RNF182: variants seen among roughly 807,000 people sequenced by gnomAD.
RNF182 encodes E3 ubiquitin-protein ligase RNF182.
In RNF182, 15 loss-of-function variants were observed where a neutral mutation model predicts 14.4. That is an observed-to-expected ratio of 1.04 (90% CI 0.70 to 1.60). RNF182 has a LOEUF of 1.60. Among genes scored for constraint, RNF182 ranks in the 40% most tolerant of loss-of-function variants. RNF182 has a pLI of 0.00. For synonymous variants in RNF182, 128 were observed against 122.9 expected (o/e 1.04, Z -0.27); for missense variants, 268 against 294.8 (o/e 0.91, Z 0.67).
chr6:13,945,367 C>CAA (rs1264941022), intron 1 of RNF182, among the ~76,000 whole-genome samples: 1 of 152,162 alleles, frequency 6.6e-6, no homozygotes, highest in East Asian at 1.9e-4. Context: ...GTTGCCAGGG[C>CAA]ATTCTTTTAG....
At chr6:13,934,040 A>G (rs1455576208) in intron 1 of RNF182, among the ~76,000 whole-genome samples, 1 of 152,184 alleles carries the variant, frequency 6.6e-6, no homozygotes, top group African/African-American at 2.4e-5. Flanking sequence ...AAAAATTAAA[A>G]AAAAGAAATG....
chr6:13,966,832 G>A lies in RNF182; in HGVS notation c.-366-7378G>A, dbSNP rs548309286. On this transcript the variant is annotated intron_variant, in intron 1 of 2. Coordinates refer to ENST00000488300, the MANE Select transcript of RNF182 (RefSeq NM_152737.4). ...TGCTGTTTTGTGTGTGTGCGCGTGC[G>A]TGTGTGTGTGTGTGTGTGTGTTTTC... Among the ~76,000 whole-genome samples, 59 of 133,380 alleles carry A rather than the reference G, an allele frequency of 4.4e-4. 1 individual carries two copies. The South Asian group carries it at 0.01, about 23-fold the overall frequency. The allele number at this position is 133,380 out of a possible 152,430, so 87.5% of individuals were successfully genotyped here. A position where few individuals can be genotyped will look rare whatever the true frequency, so the allele number is the denominator to read the frequency against.
chr6:13,944,265 A>G (rs1759379568), intron 1 of RNF182, among the ~76,000 whole-genome samples: 1 of 152,228 alleles, frequency 6.6e-6, no homozygotes, highest in African/African-American at 2.4e-5. Flanking sequence ...GGTGTTGGCT[A>G]GAACCAACAG....
intron 2 of RNF182, among the ~76,000 whole-genome samples, 171 bp from the exon 3 acceptor site, chr6:13,976,738 A>T (rs280160): frequency 0.4 from 61,315 of 152,158 alleles, 13,638 homozygotes; most frequent in Middle Eastern, 0.51. Flanking sequence ...AAGCATGGAA[A>T]TAACACTTTT....
chr6:13,969,328 G>A (rs989648436), intron 1 of RNF182, among the ~76,000 whole-genome samples: 1 of 152,064 alleles, frequency 6.6e-6, no homozygotes, highest in Non-Finnish European at 1.5e-5. Flanking sequence ...TGAGAAGTCC[G>A]GTTTGGGTCA....
rs1225782255 is a variant in RNF182 at position 13,979,971 on chromosome 6, TTTTG to T, written c.*2114_*2117del. On this transcript the variant is annotated 3_prime_UTR_variant, in exon 3 of 3. Transcript: ENST00000488300. Reference sequence around the variant, plus strand: ...TAATATTTTATTCACTGTGATACTATTTTGTTTGTCTATTAAATTGTTATTATTT... The same window carrying T: ...TAATATTTTATTCACTGTGATACTATTTTGTCTATTAAATTGTTATTATTT... 3.0e-5 allele frequency: 5 copies of T among 166,610 alleles called. No homozygotes were observed. Among genetic ancestry groups the T allele is most frequent in the Admixed American group, 6.5e-5 (1 of 15,300 alleles). 10.3% of individuals were successfully genotyped at this position (166,610 alleles called of 1,614,324 possible). A position where few individuals can be genotyped will look rare whatever the true frequency, so the allele number is the denominator to read the frequency against.
chr6:13,977,628 T>G lies in RNF182; in HGVS notation c.509T>G (p.Val170Gly). ...SVTTVSHNWT[V>G]WNCTSLLFQT... is the part of the protein sequence containing the mutation. ...ACCACTGTGTCACACAACTGGACTG[T>G]GTGGAACTGCACGTCCCTGCTGTTT... The change falls in exon 3 of 3, where the codon GTG becomes GGG. Residue 170 changes from valine to glycine, a missense_variant. Val to Gly is a moderately radical substitution (Grantham distance 109). Transcript: ENST00000488300. 1 of 1,614,196 alleles carries G rather than the reference T, an allele frequency of 6.2e-7. No individual in the cohort carries two copies. Among genetic ancestry groups the G allele is most frequent in the Non-Finnish European group, 8.5e-7 (1 of 1,180,026 alleles).
chr6:13,942,793 G>A (rs138274827), intron 1 of RNF182, among the ~76,000 whole-genome samples: 159 of 152,084 alleles, frequency 1.0e-3, no homozygotes, highest in Non-Finnish European at 1.6e-3. Context: ...ATTTTCCATT[G>A]TATTTTTTCC....
At chr6:13,951,401 C>G (rs1759588118) in intron 1 of RNF182, among the ~76,000 whole-genome samples, 1 of 152,164 alleles carries the variant, frequency 6.6e-6, no homozygotes, top group African/African-American at 2.4e-5. Flanking sequence ...AGAGAATTAG[C>G]CCATCCCCTA....
At chr6:13,975,417 C>A (rs568126627) in intron 2 of RNF182, among the ~76,000 whole-genome samples, 3 of 152,270 alleles carry the variant, frequency 2.0e-5, no homozygotes, top group Non-Finnish European at 2.9e-5. Context: ...AGGCTAGATA[C>A]ATAGAGCTTG....
At position 13,947,116 on chromosome 6, in the gene RNF182, C is replaced by T. The variant is rs371707812; in HGVS notation, c.-367+22093C>T. 1.3e-4 allele frequency among the ~76,000 whole-genome samples: 20 copies of T among 152,174 alleles called. No homozygotes were observed. In the South Asian group the frequency reaches 2.3e-3, roughly 17 times the overall value. On this transcript the variant is annotated intron_variant, in intron 1 of 2. Coordinates refer to ENST00000488300, the MANE Select transcript of RNF182 (RefSeq NM_152737.4). ...TGTGGGAACCAAGCTGATATGGGGTCGCTAGCTGATTTCATTATGTGTCCA... is the reference window on the plus strand; with the variant it reads ...TGTGGGAACCAAGCTGATATGGGGTTGCTAGCTGATTTCATTATGTGTCCA...
intron 1 of RNF182, among the ~76,000 whole-genome samples, chr6:13,933,999 CAG>C (rs938413638): frequency 2.6e-5 from 4 of 151,842 alleles, no homozygotes; most frequent in African/African-American, 9.7e-5. Flanking sequence ...GCCTGGGCAA[CAG>C]GGGAAGACTC....
chr6:13,942,007 T>A lies in RNF182; in HGVS notation c.-367+16984T>A, dbSNP rs1213200513. Among the ~76,000 whole-genome samples the A allele has an allele frequency of 2.0e-5, 3 of 152,216 alleles. No homozygotes were observed. In the East Asian group the frequency reaches 5.8e-4, roughly 29 times the overall value. Reference sequence around the variant, plus strand: ...CTGCTGGAAGAACTCCCTTTAGTATTTCTTTCTATTTTTACTTGTTTGAAA... The same window carrying A: ...CTGCTGGAAGAACTCCCTTTAGTATATCTTTCTATTTTTACTTGTTTGAAA... On this transcript the variant is annotated intron_variant, in intron 1 of 2. Coordinates refer to ENST00000488300, the MANE Select transcript of RNF182 (RefSeq NM_152737.4).
chr6:13,926,888 T>A (rs1214397225), intron 1 of RNF182, among the ~76,000 whole-genome samples: 3 of 152,138 alleles, frequency 2.0e-5, no homozygotes, highest in Non-Finnish European at 4.4e-5. Context: ...CCGTGCTTTC[T>A]GCCAGATGAA....
At chr6:13,960,699 G>GCA (rs1561784411) in intron 1 of RNF182, among the ~76,000 whole-genome samples, 2 of 151,410 alleles carry the variant, frequency 1.3e-5, no homozygotes, top group East Asian at 1.9e-4. Flanking sequence ...GTGTGCGCGC[G>GCA]TGCACATGCA....
At chr6:13,966,834 G>A (rs9370637) in intron 1 of RNF182, among the ~76,000 whole-genome samples, 63,243 of 123,516 alleles carry the variant, frequency 0.51, 14,090 homozygotes, top group Middle Eastern at 0.63. Flanking sequence ...GCGCGTGCGT[G>A]TGTGTGTGTG....
At chr6:13,955,682 A>C (rs1243115067) in intron 1 of RNF182, among the ~76,000 whole-genome samples, 2 of 152,162 alleles carry the variant, frequency 1.3e-5, no homozygotes, top group South Asian at 2.1e-4. Context: ...TCCATGTCTC[A>C]GTTGTACTGT....
At chr6:13,943,500 T>G (rs1334549296) in intron 1 of RNF182, among the ~76,000 whole-genome samples, 1 of 152,096 alleles carries the variant, frequency 6.6e-6, no homozygotes. Flanking sequence ...ACTGGGTAAG[T>G]GAATTTTGAG....
intron 1 of RNF182, among the ~76,000 whole-genome samples, chr6:13,962,259 T>G (rs1477635968): frequency 6.6e-6 from 1 of 152,200 alleles, no homozygotes; most frequent in African/African-American, 2.4e-5. Flanking sequence ...TAAGCTTAAT[T>G]TGAGACTCAA....
Sources: gnomAD v4.1 joint callset for allele counts (sites outside exome capture counted in the v4.1 genomes callset) on GRCh38, gnomAD v4.1.1 for gene constraint, MANE v1.5 for transcripts, NCBI Gene and HGNC (gene_info 2026-07-23, HGNC 2026-07-21) for gene names.